The following CACNA1I variants were observed in gnomAD, a reference collection of about 807,000 sequenced individuals.
CACNA1I encodes the protein calcium voltage-gated channel subunit alpha1 I, also known as voltage-dependent T-type calcium channel subunit alpha-1I.
In CACNA1I, 74 loss-of-function variants were observed where a neutral mutation model predicts 201.6. That is an observed-to-expected ratio of 0.37 (90% confidence interval 0.30 to 0.45). The LOEUF (loss-of-function observed/expected upper bound fraction) is 0.45. Among genes scored for constraint, CACNA1I ranks in the 20% least tolerant of loss-of-function variants. CACNA1I has a pLI of 1.00. For synonymous variants in CACNA1I, 1,431 were observed against 1,345.2 expected (o/e 1.06, Z -1.40); for missense variants, 2,346 against 3,138.1 (o/e 0.75, Z 6.03).
chr22:39,654,028 T>C (rs375878007), intron 10 of CACNA1I, among the ~76,000 whole-genome samples: 6 of 152,300 alleles, frequency 3.9e-5, no homozygotes, highest in Admixed American at 1.3e-4. Flanking sequence ...GAGGCCTGAT[T>C]CCTTCATCAT....
chr22:39,579,900 C>T (rs1264638552), intron 1 of CACNA1I, among the ~76,000 whole-genome samples: 5 of 152,188 alleles, frequency 3.3e-5, no homozygotes, highest in Admixed American at 6.5e-5. Context: ...CCACCAGCCT[C>T]GGCCTCCCAA....
At chr22:39,575,294 G>A (rs751174140) in intron 1 of CACNA1I, among the ~76,000 whole-genome samples, 5 of 152,162 alleles carry the variant, frequency 3.3e-5, no homozygotes, top group African/African-American at 4.8e-5. Context: ...TAACATTTCC[G>A]AGCCCCAGTT....
intron 1 of CACNA1I, among the ~76,000 whole-genome samples, chr22:39,584,131 G>C (rs933010119): frequency 6.6e-6 from 1 of 152,192 alleles, no homozygotes; most frequent in African/African-American, 2.4e-5. Context: ...AGGATATGAG[G>C]CTACAGGAGA....
rs200278338 is a variant in CACNA1I at position 39,656,447 on chromosome 22, C to T, written c.1993-1705C>T. On this transcript the variant is annotated intron_variant, in intron 10 of 36. Transcript: ENST00000402142. Reference sequence around the variant, plus strand: ...CGCTGCCTCCTGACCCCACTAGCACCGCTCCCCTAGCCACCCCCCACTTTC... The same window carrying T: ...CGCTGCCTCCTGACCCCACTAGCACTGCTCCCCTAGCCACCCCCCACTTTC... 1.2e-5 allele frequency: 6 copies of T among 518,674 alleles called. No individual in the cohort carries two copies. In the East Asian group the frequency reaches 1.6e-4, roughly 14 times the overall value. 32.1% of individuals were successfully genotyped at this position (518,674 alleles called of 1,614,324 possible). A position where few individuals can be genotyped will look rare whatever the true frequency, so the allele number is the denominator to read the frequency against.
chr22:39,669,977 A>C (rs1601519366), intron 24 of CACNA1I, 61 bp from the exon 25 acceptor site: 2 of 1,584,964 alleles, frequency 1.3e-6, no homozygotes, highest in Non-Finnish European at 1.7e-6. Flanking sequence ...CAGGATGGGC[A>C]CCTCCCCATG....
intron 10 of CACNA1I, among the ~76,000 whole-genome samples, chr22:39,653,814 A>G (rs1385773403): frequency 6.6e-6 from 1 of 152,240 alleles, no homozygotes; most frequent in Admixed American, 6.5e-5. Context: ...TTGCTCATCC[A>G]GGTTCCTCAT....
chr22:39,595,458 T>C (rs1393801197), intron 1 of CACNA1I, among the ~76,000 whole-genome samples: 1 of 151,648 alleles, frequency 6.6e-6, no homozygotes, highest in Non-Finnish European at 1.5e-5. Context: ...AACCCGTCTC[T>C]ACTAAAAATA....
chr22:39,588,719 C>A (rs1009676209), intron 1 of CACNA1I, among the ~76,000 whole-genome samples: 3 of 152,148 alleles, frequency 2.0e-5, no homozygotes, highest in African/African-American at 7.2e-5. Flanking sequence ...TCTCCTGGGG[C>A]CACCACTCAG....
At chr22:39,580,655 G>A (rs1282375290) in intron 1 of CACNA1I, among the ~76,000 whole-genome samples, 2 of 152,184 alleles carry the variant, frequency 1.3e-5, no homozygotes, top group African/African-American at 4.8e-5. Flanking sequence ...GTGGGGCAGG[G>A]GCTGGATGGC....
At chr22:39,591,158 CTTT>C (rs132581) in intron 1 of CACNA1I, among the ~76,000 whole-genome samples, 7 of 129,506 alleles carry the variant, frequency 5.4e-5, no homozygotes, top group African/African-American at 8.8e-5. Context: ...GGCCTGGATT[CTTT>C]TTTTTTTTTT....
In CACNA1I at chr22:39,648,719, C is replaced by T. The variant is rs115360089; in HGVS notation, c.1568-782C>T. Among the ~76,000 whole-genome samples, 349 of 152,096 alleles carry T rather than the reference C, an allele frequency of 2.3e-3. 1 individual carries two copies. Among genetic ancestry groups the T allele is most frequent in the African/African-American group, 7.0e-3 (292 of 41,456 alleles). On this transcript the variant is annotated intron_variant, in intron 9 of 36. Transcript: ENST00000402142. The surrounding 1 kb of genome is among the most constrained non-coding windows in gnomAD (Gnocchi z 5.4). Reference sequence around the variant, plus strand: ...CTTACACAAGCAAAATGTGTTTATTCTAGGAATATATAGGAAAACACAAAG... The same window carrying T: ...CTTACACAAGCAAAATGTGTTTATTTTAGGAATATATAGGAAAACACAAAG...
Position 39,680,916 on chromosome 22 carries a change from C to T in CACNA1I, c.5542-14C>T. 6.2e-7 allele frequency: 1 copy of T among 1,605,236 alleles called. No homozygotes were observed. The highest frequency in any genetic ancestry group is 2.2e-5 in the East Asian group (1 of 44,810). On this transcript the variant is annotated splice_polypyrimidine_tract_variant and intron_variant, in intron 33 of 36. Transcript: ENST00000402142. ...CAAACCTGGGTGACCCGAGGCCACC[C>T]CCTCTTCCTGCAGGTGCAGCTGGCT...
intron 10 of CACNA1I, among the ~76,000 whole-genome samples, chr22:39,654,348 A>G (rs959828018): frequency 1.1e-4 from 16 of 152,164 alleles, no homozygotes; most frequent in African/African-American, 3.9e-4. Context: ...CTGCAGCTTT[A>G]TCATGTCCTG....
At chr22:39,597,525 A>T (rs1266780529) in intron 1 of CACNA1I, among the ~76,000 whole-genome samples, 1 of 152,216 alleles carries the variant, frequency 6.6e-6, no homozygotes, top group Admixed American at 6.5e-5. Flanking sequence ...GCAGCAGGAG[A>T]CTTTCTGCCT....
intron 19 of CACNA1I, 122 bp downstream of exon 19, chr22:39,663,963 C>T (rs937860890): frequency 1.7e-5 from 26 of 1,518,792 alleles, no homozygotes; most frequent in Non-Finnish European, 2.3e-5. Flanking sequence ...GCCTTTGGGG[C>T]GGGGAAAGCC....
At chr22:39,671,028 A>G (rs1935363072) in intron 26 of CACNA1I, 74 bp downstream of exon 26, 13 of 1,422,828 alleles carry the variant, frequency 9.1e-6, no homozygotes, top group South Asian at 4.9e-5. Context: ...CACCCCAGGG[A>G]TAGGGTGGGG....
chr22:39,605,316 G>A (rs1046106964), intron 3 of CACNA1I, among the ~76,000 whole-genome samples: 1 of 152,172 alleles, frequency 6.6e-6, no homozygotes, highest in African/African-American at 2.4e-5. Flanking sequence ...GTGTGTCTGA[G>A]ACTGGGGCCT....
At chr22:39,646,433 C>T in intron 7 of CACNA1I, 136 bp from the exon 8 acceptor site, 1 of 1,356,616 alleles carries the variant, frequency 7.4e-7, no homozygotes, top group Non-Finnish European at 9.9e-7. Context: ...CCATCTCCAT[C>T]TCCATCTCCC....
chr22:39,641,156 G>T lies in CACNA1I; in HGVS notation c.1030G>T (p.Gly344Cys). The T allele has an allele frequency of 6.2e-7, 1 of 1,613,474 alleles. No homozygotes were observed. The highest frequency in any genetic ancestry group is 8.5e-7 in the Non-Finnish European group (1 of 1,179,454). ...HKGAINFDNIGYAWIVIFQVI... is the reference protein window; with the variant it reads ...HKGAINFDNICYAWIVIFQVI... ...GGGTGCCATCAACTTTGACAACATC[G>T]GTTATGCTTGGATTGTCATCTTCCA... Residue 344 changes from glycine to cysteine, a missense_variant, in exon 6 of 37, where the codon GGT becomes TGT. By Grantham distance (159) the Gly-to-Cys change is radical. Transcript: ENST00000402142.
Sources: gnomAD v4.1 joint callset for allele counts (sites outside exome capture counted in the v4.1 genomes callset) on GRCh38, gnomAD v4.1.1 for gene constraint, Gnocchi (gnomAD v3.1) non-coding constraint, MANE v1.5 for transcripts, NCBI Gene and HGNC (gene_info 2026-07-23, HGNC 2026-07-21) for gene names.